SENP7: variants seen among roughly 807,000 people sequenced by gnomAD.
The protein encoded by SENP7 is sentrin-specific protease 7.
SENP7 carries 64 observed loss-of-function variants against 141.2 expected under a neutral mutation model. That is an observed-to-expected ratio of 0.45 (90% CI 0.37 to 0.56). The LOEUF (loss-of-function observed/expected upper bound fraction) is 0.56, where lower values mean the gene tolerates loss of function less well. Ranked by LOEUF, SENP7 falls within the 20% of genes least tolerant of loss-of-function variation. The probability of loss-of-function intolerance (pLI) is 0.00; values close to 1 mark genes in which losing one functional copy is unlikely to be tolerated. For missense variants in SENP7, 1,025 were observed against 1,212.2 expected, an observed-to-expected ratio of 0.85 and a Z score of 2.29; for synonymous variants, 382 against 426.4, an observed-to-expected ratio of 0.90 and a Z score of 1.28.
At chr3:101,326,205 A>G (rs561265294) in intron 23 of SENP7, 125 bp from the exon 24 acceptor site, 3 of 745,390 alleles carry the variant, frequency 4.0e-6, no homozygotes, top group Admixed American at 6.8e-5. Flanking sequence ...TTAAGATATA[A>G]TTCACATAAT....
chr3:101,481,989 A>T (rs1050532944), intron 3 of SENP7, among the ~76,000 whole-genome samples: 2 of 152,120 alleles, frequency 1.3e-5, no homozygotes, highest in Non-Finnish European at 2.9e-5. Flanking sequence ...AATTAAAAAC[A>T]CAATATCGTT....
At chr3:101,457,744 T>A in intron 4 of SENP7, 1 of 818,290 alleles carries the variant, frequency 1.2e-6, no homozygotes, top group Non-Finnish European at 2.0e-6. Context: ...TCAGAGCAGA[T>A]AAGGGGCCAT....
In SENP7 at chr3:101,470,787, A is replaced by G. The variant is rs577022002; in HGVS notation, c.187-11735T>C. 3.9e-5 allele frequency among the ~76,000 whole-genome samples: 6 copies of G among 152,340 alleles called. No homozygotes were observed. In the East Asian group the frequency reaches 9.6e-4, roughly 24 times the overall value. Reference sequence around the variant, plus strand: ...AGCCCAAAATCTCCTTAAGCTGAGAAGCAACTTCAGCAAAGTCTCAGGATA... The same window carrying G: ...AGCCCAAAATCTCCTTAAGCTGAGAGGCAACTTCAGCAAAGTCTCAGGATA... On this transcript the variant is annotated intron_variant, in intron 3 of 23. Coordinates refer to ENST00000394095, the MANE Select transcript of SENP7 (RefSeq NM_020654.5).
At chr3:101,434,683 A>G (rs971026062) in intron 4 of SENP7, among the ~76,000 whole-genome samples, 2 of 152,150 alleles carry the variant, frequency 1.3e-5, no homozygotes, top group African/African-American at 4.8e-5. Context: ...AAATGGACAA[A>G]TTTCTGAATA....
At chr3:101,337,699 T>C in intron 16 of SENP7, 68 bp from the exon 17 acceptor site, 1 of 1,280,126 alleles carries the variant, frequency 7.8e-7, no homozygotes, top group South Asian at 1.8e-5. Flanking sequence ...CCAGTTGTCT[T>C]ATGTGTTCTG....
At chr3:101,363,551 T>A (rs2059955865) in intron 10 of SENP7, among the ~76,000 whole-genome samples, 1 of 152,222 alleles carries the variant, frequency 6.6e-6, no homozygotes, top group Admixed American at 6.5e-5. Context: ...CATTGTCAAT[T>A]TATACCCTGC....
intron 21 of SENP7, 34 bp from the exon 22 acceptor site, chr3:101,328,580 A>G (rs1359646363): frequency 5.6e-6 from 9 of 1,601,694 alleles, no homozygotes; most frequent in Non-Finnish European, 8.6e-7. Flanking sequence ...CAAGATTTAC[A>G]TACTTGTATA....
chr3:101,512,977 CCGCCCCCGCCCT>C (rs1417895183), intron 1 of SENP7, 102 bp downstream of exon 1: 4 of 1,223,838 alleles, frequency 3.3e-6, no homozygotes, highest in Admixed American at 3.4e-5. Flanking sequence ...CTTCCTCTCC[CCGCCCCCGCCCT>C]CGCCCCCGCG....
chr3:101,502,123 AAACTGTACTTCATTAAAATTAAG>A (rs2065406580), intron 1 of SENP7, among the ~76,000 whole-genome samples: 1 of 152,250 alleles, frequency 6.6e-6, no homozygotes, highest in African/African-American at 2.4e-5. Flanking sequence ...AAACGTTAAT[AAACTGTACTTCATTAAAATTAAG>A]AACTTCTGAT....
intron 4 of SENP7, among the ~76,000 whole-genome samples, chr3:101,446,259 A>C (rs2062890829): frequency 6.6e-6 from 1 of 152,194 alleles, no homozygotes; most frequent in East Asian, 1.9e-4. Flanking sequence ...CAGCCTGCAG[A>C]ACCATAAGCC....
intron 4 of SENP7, among the ~76,000 whole-genome samples, chr3:101,454,693 A>G (rs750428197): frequency 6.6e-6 from 1 of 152,222 alleles, no homozygotes; most frequent in Non-Finnish European, 1.5e-5. Context: ...TATATGCTAC[A>G]ATATTAATAA....
intron 3 of SENP7, among the ~76,000 whole-genome samples, chr3:101,482,890 A>G (rs940472144): frequency 1.3e-5 from 2 of 152,336 alleles, no homozygotes; most frequent in African/African-American, 4.8e-5. Flanking sequence ...CAAAACCACA[A>G]GGAGATACCA....
At chr3:101,391,312 GACAA>G (rs1251324802) in intron 6 of SENP7, among the ~76,000 whole-genome samples, 4 of 146,190 alleles carry the variant, frequency 2.7e-5, no homozygotes, top group East Asian at 2.0e-4. Flanking sequence ...GTTTTTTAAA[GACAA>G]ACAAAAATCA....
At chr3:101,481,855 A>T (rs991909766) in intron 3 of SENP7, among the ~76,000 whole-genome samples, 2 of 152,218 alleles carry the variant, frequency 1.3e-5, no homozygotes, top group African/African-American at 4.8e-5. Context: ...CGATGTGGAA[A>T]TTCCAAAAGA....
At chr3:101,328,289 C>T (rs890917607) in intron 22 of SENP7, among the ~76,000 whole-genome samples, 189 bp downstream of exon 22, 5 of 151,702 alleles carry the variant, frequency 3.3e-5, no homozygotes, top group Non-Finnish European at 5.9e-5. Flanking sequence ...TAATATAATC[C>T]TTTAGAAATA....
At chr3:101,326,676 C>A (rs1189194433) in intron 23 of SENP7, among the ~76,000 whole-genome samples, 1 of 152,120 alleles carries the variant, frequency 6.6e-6, no homozygotes, top group Admixed American at 6.6e-5. Context: ...GAAAATAACA[C>A]CTATGTTTGT....
intron 12 of SENP7, among the ~76,000 whole-genome samples, 181 bp from the exon 13 acceptor site, chr3:101,348,232 T>C (rs1409072713): frequency 1.3e-5 from 2 of 152,172 alleles, no homozygotes; most frequent in Admixed American, 6.5e-5. Flanking sequence ...CCAGCAGTAT[T>C]ATTAGAGTAA....
intron 16 of SENP7, among the ~76,000 whole-genome samples, chr3:101,339,024 T>C (rs1330376581): frequency 6.6e-6 from 1 of 152,106 alleles, no homozygotes; most frequent in Non-Finnish European, 1.5e-5. Context: ...AATCAGTCAA[T>C]TGAACCCAGA....
rs774659160 is a variant in SENP7 at position 101,417,681 on chromosome 3, A to C, written c.394T>G (p.Ser132Ala). The change falls in exon 5 of 24, where the codon TCA becomes GCA. Residue 132 changes from serine to alanine, a missense_variant. Transcript: ENST00000394095. Reference sequence around the variant, plus strand: ...ACAGATGTCGAAGGCAATGAGTCTGATTGCACCTTGTTGGCATCACATAAA... The same window carrying C: ...ACAGATGTCGAAGGCAATGAGTCTGCTTGCACCTTGTTGGCATCACATAAA... ...ANLCDANKVQ[S>A]DSLPSTSVDS... 1.2e-6 allele frequency: 2 copies of C among 1,613,974 alleles called. No homozygotes were observed. Among genetic ancestry groups the C allele is most frequent in the Admixed American group, 3.3e-5 (2 of 60,018 alleles).
Sources: allele counts gnomAD v4.1 joint callset (sites outside exome capture counted in the v4.1 genomes callset), GRCh38; gene constraint gnomAD v4.1.1; transcripts MANE v1.5; gene names NCBI Gene and HGNC (gene_info 2026-07-23, HGNC 2026-07-21).